Variants in CFAP251 observed in about 807,000 individuals in gnomAD.
CFAP251 encodes the protein cilia- and flagella-associated protein 251.
A neutral mutation model predicts 126.7 loss-of-function variants in CFAP251; 93 were observed. That is an observed-to-expected ratio of 0.73 (90% CI 0.62 to 0.87). The LOEUF (loss-of-function observed/expected upper bound fraction) is 0.87. CFAP251 is among the 40% of genes least tolerant of loss of function. The probability of loss-of-function intolerance (pLI) is 0.00; values close to 1 mark genes in which losing one functional copy is unlikely to be tolerated. For synonymous variants in CFAP251, 503 were observed against 506.9 expected, an observed-to-expected ratio of 0.99 and a Z score of 0.10; for missense variants, 1,287 against 1,389.2, an observed-to-expected ratio of 0.93 and a Z score of 1.17.
At chr12:121,931,581 G>A (rs1394624435) in intron 3 of CFAP251, among the ~76,000 whole-genome samples, 165 bp from the exon 4 acceptor site, 1 of 152,212 alleles carries the variant, frequency 6.6e-6, no homozygotes, top group Non-Finnish European at 1.5e-5. Context: ...CCAAAGTGCT[G>A]GGATTACAGG....
chr12:121,924,721 C>T (rs530121957), intron 3 of CFAP251, among the ~76,000 whole-genome samples: 31 of 152,262 alleles, frequency 2.0e-4, no homozygotes, highest in African/African-American at 7.0e-4. Flanking sequence ...TGAGCCACCA[C>T]GCCCGGCCTA....
intron 3 of CFAP251, among the ~76,000 whole-genome samples, chr12:121,930,264 G>A (rs1364217539): frequency 1.3e-5 from 2 of 152,062 alleles, no homozygotes; most frequent in Admixed American, 6.6e-5. Flanking sequence ...CGAGGCAGGC[G>A]GATCATGAGG....
At chr12:121,960,483 G>C in intron 13 of CFAP251, 102 bp from the exon 14 acceptor site, 1 of 1,324,466 alleles carries the variant, frequency 7.6e-7, no homozygotes, top group Non-Finnish European at 1.1e-6. Context: ...CTCCCAAAGT[G>C]CTGGGATTAC....
At chr12:121,971,808 G>C in intron 17 of CFAP251, 2 of 542,718 alleles carry the variant, frequency 3.7e-6, no homozygotes, top group Non-Finnish European at 6.7e-6. Context: ...ATTGTACTCC[G>C]ATAATTCCCG....
In CFAP251 at chr12:121,960,559, ACTCCTT is replaced by A; in HGVS notation, c.2134-22_2134-17del. Reference sequence around the variant, plus strand: ...AATTTACTAAACGTAAAATGGGATAACTCCTTCTCTTTTGCTCATCTTCAGGATAGA... The same window carrying A: ...AATTTACTAAACGTAAAATGGGATAACTCTTTTGCTCATCTTCAGGATAGA... On this transcript the variant is annotated intron_variant, in intron 13 of 21. Transcript: ENST00000288912. 1 of 1,612,266 alleles carries A rather than the reference ACTCCTT, an allele frequency of 6.2e-7. No homozygotes were observed. The highest frequency in any genetic ancestry group is 8.5e-7 in the Non-Finnish European group (1 of 1,178,702).
rs1881636457 is a variant in CFAP251, at chr12:121,954,299, GA to G, written c.1503del (p.Glu502ArgfsTer38). 1 of 1,614,124 alleles carries G rather than the reference GA, an allele frequency of 6.2e-7. No individual in the cohort carries two copies. Among genetic ancestry groups the G allele is most frequent in the East Asian group, 2.2e-5 (1 of 44,884 alleles). ...IKPCKLVHLQ[K>X]EGITVLTTID... The stretch of plus-strand genomic sequence containing the variant: ...AGCCTTGTAAATTGGTTCATTTGCA[GA>G]AAGAGGGTATCACGGTACTTACCAC... On this transcript the variant is annotated frameshift_variant, in exon 10 of 22. Transcript: ENST00000288912. LOFTEE classifies it high-confidence loss of function.
chr12:121,921,873 C>T (rs964616775), intron 2 of CFAP251, among the ~76,000 whole-genome samples, 190 bp downstream of exon 2: 8 of 150,316 alleles, frequency 5.3e-5, no homozygotes, highest in Admixed American at 2.0e-4. Flanking sequence ...CTGCAACCTC[C>T]GCCTCCTGGG....
At position 121,929,628 on chromosome 12, in the gene CFAP251, T is replaced by G. The variant is rs1212853775; in HGVS notation, c.748-2118T>G. Among the ~76,000 whole-genome samples, 3 of 151,620 alleles carry G rather than the reference T, an allele frequency of 2.0e-5. No individual in the cohort carries two copies. The East Asian group carries it at 5.8e-4, about 29-fold the overall frequency. On this transcript the variant is annotated intron_variant, in intron 3 of 21. Coordinates refer to ENST00000288912, the MANE Select transcript of CFAP251 (RefSeq NM_144668.6). ...TAGATTCATGCCCTGAAACCCCCTG[T>G]CCTCCACCGATCCATCCCTCCCTTC...
intron 3 of CFAP251, among the ~76,000 whole-genome samples, chr12:121,924,681 C>T (rs540047355): frequency 4.6e-5 from 7 of 151,766 alleles, no homozygotes; most frequent in African/African-American, 7.3e-5. Context: ...CCGCCCACCT[C>T]GGCCTCCCAA....
chr12:121,990,643 T>A (rs1417110131), intron 19 of CFAP251, among the ~76,000 whole-genome samples: 7 of 152,216 alleles, frequency 4.6e-5, no homozygotes, highest in Admixed American at 4.6e-4. Context: ...TTTGATGATG[T>A]TCTCCTGCAT....
intron 9 of CFAP251, chr12:121,953,908 G>A (rs754388766): frequency 1.7e-6 from 1 of 571,844 alleles, no homozygotes; most frequent in Non-Finnish European, 3.1e-6. Context: ...ATTGAACAGA[G>A]TACATAACCC....
At chr12:121,919,137 A>ATT (rs1489728607) in intron 1 of CFAP251, among the ~76,000 whole-genome samples, 10 of 55,156 alleles carry the variant, frequency 1.8e-4, no homozygotes, top group Admixed American at 4.7e-4. Flanking sequence ...TATTATTATT[A>ATT]TTATTATTTT....
Position 121,975,653 on chromosome 12 carries a change from A to G in CFAP251, c.2974A>G (p.Arg992Gly), listed in dbSNP as rs1329396415. 2 of 1,596,232 alleles carry G rather than the reference A, an allele frequency of 1.3e-6. No individual in the cohort carries two copies. The highest frequency in any genetic ancestry group is 2.7e-5 in the African/African-American group (2 of 73,720). ...ICLSELPFVM[R>G]AIGFYPSEEK... ...CCTGTCAGAGCTTCCTTTTGTCATG[A>G]GAGCAATTGGCTTTTACCCATCTGA... The change falls in exon 19 of 22, where the codon AGA becomes GGA. Residue 992 changes from arginine to glycine, a missense_variant. Physicochemically the swap from Arg to Gly is moderately radical, Grantham distance 125. Transcript: ENST00000288912.
chr12:121,928,688 ACG>A (rs1491490696), intron 3 of CFAP251, among the ~76,000 whole-genome samples: 12 of 29,040 alleles, frequency 4.1e-4, no homozygotes, highest in East Asian at 1.2e-3. Context: ...ATATATATAT[ACG>A]TATATATATA....
chr12:121,964,145 TTTGTTGTTGTTG>T lies in CFAP251; in HGVS notation c.2492+2006_2492+2017del, dbSNP rs10581852. ...CTCAAAAGGCCAGGACCACCCGGGA[TTTGTTGTTGTTG>T]TTGTTGTTGTTGTTGTTGTTGTAAA... On this transcript the variant is annotated intron_variant, in intron 15 of 21. Coordinates refer to ENST00000288912, the MANE Select transcript of CFAP251 (RefSeq NM_144668.6). Among the ~76,000 whole-genome samples, 32 of 149,756 alleles carry T rather than the reference TTTGTTGTTGTTG, an allele frequency of 2.1e-4. 1 individual carries two copies. The highest frequency in any genetic ancestry group is 6.0e-4 in the Admixed American group (9 of 14,986).
chr12:121,968,238 C>A (rs1229284522), intron 17 of CFAP251, 69 bp downstream of exon 17: 15 of 1,450,292 alleles, frequency 1.0e-5, no homozygotes, highest in Non-Finnish European at 1.4e-5. Flanking sequence ...GTGATAGACA[C>A]TGAACCCTAC....
chr12:121,966,108 C>G (rs1882110643), intron 15 of CFAP251, among the ~76,000 whole-genome samples: 1 of 148,642 alleles, frequency 6.7e-6, no homozygotes, highest in African/African-American at 2.5e-5. Flanking sequence ...GTCTTAAAAC[C>G]TATGTTGAGA....
chr12:121,921,527 G>A lies in CFAP251; in HGVS notation c.222G>A (p.Met74Ile). ...EEGKEDKKIVMEETEEKAGEV... is the reference protein window; with the variant it reads ...EEGKEDKKIVIEETEEKAGEV... ...GGAAGGAGGACAAAAAGATTGTCAT[G>A]GAAGAAACTGAGGAAAAGGCTGGAG... The change falls in exon 2 of 22, where the codon ATG becomes ATA. Residue 74 changes from methionine (M) to isoleucine (I), a missense_variant. Physicochemically the swap from Met to Ile is conservative, Grantham distance 10. Coordinates refer to ENST00000288912, the MANE Select transcript of CFAP251 (RefSeq NM_144668.6). 1 of 1,548,860 alleles carries A rather than the reference G, an allele frequency of 6.5e-7. No individual in the cohort carries two copies.
At position 121,959,111 on chromosome 12, in the gene CFAP251, A is replaced by G; in HGVS notation, c.2133+17A>G. ...GCAACTGCTGTAAGTATTTTCATGG[A>G]CAACCCATCCAGTGGCTTAGCAATT... On this transcript the variant is annotated intron_variant, in intron 13 of 21. Transcript: ENST00000288912. 2 of 1,573,704 alleles carry G rather than the reference A, an allele frequency of 1.3e-6. No individual in the cohort carries two copies. The highest frequency in any genetic ancestry group is 4.5e-5 in the East Asian group (2 of 44,354).
Sources: gnomAD v4.1 joint callset for allele counts (sites outside exome capture counted in the v4.1 genomes callset) on GRCh38, gnomAD v4.1.1 for gene constraint, MANE v1.5 for transcripts, NCBI Gene and HGNC (gene_info 2026-07-23, HGNC 2026-07-21) for gene names.